Variants in UMAD1 observed in about 807,000 individuals in gnomAD.
UMAD1 encodes UBAP1-MVB12-associated (UMA) domain containing 1, also known as UBAP1-MVB12-associated (UMA)-domain containing protein 1.
Under a neutral mutation model 6.1 loss-of-function variants are expected in UMAD1, and 8 were observed. The ratio of observed to expected loss-of-function variants is 1.30; its 90% CI spans 0.76 to 2.35. The LOEUF is 2.35. Among genes scored for constraint, UMAD1 ranks in the 30% most tolerant of loss-of-function variants. The pLI is 0.00. For synonymous variants in UMAD1, 56 were observed against 31.4 expected (o/e 1.78, Z -2.61); for missense variants, 130 against 78.4 (o/e 1.66, Z -2.49).
chr7:7,700,080 C>T (rs1780420522), intron 2 of UMAD1, among the ~76,000 whole-genome samples: 1 of 152,102 alleles, frequency 6.6e-6, no homozygotes. Context: ...GTCTGGGCTC[C>T]TTTAACAAAG....
chr7:7,841,789 ATCTC>A (rs142313994), intron 3 of UMAD1, among the ~76,000 whole-genome samples: 20,037 of 152,152 alleles, frequency 0.13, 1,886 homozygotes, highest in Middle Eastern at 0.2. Flanking sequence ...AATGAGATAC[ATCTC>A]TCTCTTTATA....
At chr7:7,848,033 A>C (rs1042103865) in intron 3 of UMAD1, among the ~76,000 whole-genome samples, 5 of 152,218 alleles carry the variant, frequency 3.3e-5, no homozygotes, top group Admixed American at 2.0e-4. Context: ...TTATTAAATA[A>C]AGAAGTGAAT....
chr7:7,741,617 A>AAT (rs1563169882), intron 2 of UMAD1, among the ~76,000 whole-genome samples: 11 of 135,010 alleles, frequency 8.1e-5, no homozygotes, highest in East Asian at 4.1e-4. Context: ...ATAATAATAA[A>AAT]AATAATAAAA....
chr7:7,664,634 C>G (rs923660265), intron 1 of UMAD1, among the ~76,000 whole-genome samples: 2 of 152,178 alleles, frequency 1.3e-5, no homozygotes, highest in African/African-American at 4.8e-5. Flanking sequence ...GGCCTTCCTT[C>G]TCTTCTTTGT....
At chr7:7,797,098 G>C (rs1323506293) in intron 2 of UMAD1, among the ~76,000 whole-genome samples, 1 of 152,186 alleles carries the variant, frequency 6.6e-6, no homozygotes, top group Non-Finnish European at 1.5e-5. Flanking sequence ...GCTGGCAACT[G>C]CTTCTGGTCA....
intron 2 of UMAD1, among the ~76,000 whole-genome samples, chr7:7,717,874 C>T (rs1266290935): frequency 6.6e-6 from 1 of 152,212 alleles, no homozygotes; most frequent in Non-Finnish European, 1.5e-5. Flanking sequence ...CAAATTGACA[C>T]ATTATGTCAT....
chr7:7,696,451 A>G (rs1780320397), intron 2 of UMAD1, among the ~76,000 whole-genome samples: 1 of 152,176 alleles, frequency 6.6e-6, no homozygotes. Flanking sequence ...GAGCTTAGCC[A>G]CTGGAACTGG....
intron 2 of UMAD1, among the ~76,000 whole-genome samples, chr7:7,745,496 C>T (rs1339245291): frequency 6.6e-6 from 1 of 152,114 alleles, no homozygotes. Flanking sequence ...CTGTAGAATT[C>T]AGGAAGCATT....
intron 2 of UMAD1, chr7:7,687,404 A>G (rs1780064959): frequency 6.6e-6 from 1 of 152,278 alleles, no homozygotes; most frequent in Non-Finnish European, 1.5e-5. Flanking sequence ...AATGCTTGGG[A>G]GAATGATTCT....
At chr7:7,699,574 A>C (rs1303246405) in intron 2 of UMAD1, among the ~76,000 whole-genome samples, 1 of 152,182 alleles carries the variant, frequency 6.6e-6, no homozygotes, top group South Asian at 2.1e-4. Context: ...CCTGGATGTG[A>C]TGGTCCAATC....
intron 3 of UMAD1, among the ~76,000 whole-genome samples, chr7:7,810,616 C>G (rs914865821): frequency 1.3e-5 from 2 of 152,084 alleles, no homozygotes; most frequent in Non-Finnish European, 2.9e-5. Flanking sequence ...AGAGTACTTG[C>G]ATTTGGGATG....
chr7:7,816,906 A>G (rs373458248), intron 3 of UMAD1, among the ~76,000 whole-genome samples: 1 of 152,046 alleles, frequency 6.6e-6, no homozygotes, highest in African/African-American at 2.4e-5. Context: ...TTCACCCACA[A>G]ATCTGACCAT....
At chr7:7,764,187 G>C (rs1370707704) in intron 2 of UMAD1, among the ~76,000 whole-genome samples, 1 of 152,212 alleles carries the variant, frequency 6.6e-6, no homozygotes, top group East Asian at 1.9e-4. Flanking sequence ...GTTGCCATCT[G>C]GGGGGTCATC....
intron 2 of UMAD1, among the ~76,000 whole-genome samples, chr7:7,772,200 G>A (rs975208959): frequency 8.5e-5 from 13 of 152,136 alleles, no homozygotes; most frequent in African/African-American, 2.9e-4. Context: ...TTGTGTTTTA[G>A]TTGCAAAATG....
At chr7:7,647,032 A>G (rs554331303) in intron 1 of UMAD1, among the ~76,000 whole-genome samples, 3 of 152,302 alleles carry the variant, frequency 2.0e-5, no homozygotes, top group Non-Finnish European at 1.5e-5. Flanking sequence ...GTTTTGTGAA[A>G]TTAGTGTGGA....
chr7:7,731,690 A>G (rs1781262506), intron 2 of UMAD1, among the ~76,000 whole-genome samples: 1 of 152,218 alleles, frequency 6.6e-6, no homozygotes, highest in African/African-American at 2.4e-5. Flanking sequence ...AATTTTTTTT[A>G]AAGAATAGAA....
chr7:7,724,076 C>G (rs1235657836), intron 2 of UMAD1, among the ~76,000 whole-genome samples: 2 of 152,140 alleles, frequency 1.3e-5, no homozygotes, highest in African/African-American at 4.8e-5. Context: ...GAGGAAGGAT[C>G]CCATTATACT....
intron 2 of UMAD1, among the ~76,000 whole-genome samples, chr7:7,682,081 A>G (rs1286626152): frequency 2.6e-5 from 4 of 152,178 alleles, no homozygotes; most frequent in Non-Finnish European, 5.9e-5. Context: ...GGCAAACACT[A>G]TTGTAGAGAT....
chr7:7,833,107 A>C (rs1783495721), intron 3 of UMAD1, among the ~76,000 whole-genome samples: 3 of 152,270 alleles, frequency 2.0e-5, no homozygotes, highest in African/African-American at 7.2e-5. Context: ...GAGGGCCCTG[A>C]AAGTTTGGCA....
Sources: allele counts gnomAD v4.1 joint callset (sites outside exome capture counted in the v4.1 genomes callset), GRCh38; gene constraint gnomAD v4.1.1; transcripts MANE v1.5; gene names NCBI Gene and HGNC (gene_info 2026-07-23, HGNC 2026-07-21).